Variants in ADGRV1 observed in about 807,000 individuals in gnomAD.
ADGRV1 encodes adhesion G protein-coupled receptor V1, also known as G-protein coupled receptor 98.
A neutral mutation model predicts 596.2 loss-of-function variants in ADGRV1; 359 were observed. That is an observed-to-expected ratio of 0.60 (90% CI 0.55 to 0.66). The LOEUF is 0.66. Among genes scored for constraint, ADGRV1 ranks in the 30% least tolerant of loss-of-function variants. ADGRV1 has a pLI of 0.00. For missense variants in ADGRV1, 7,274 were observed against 7,575.6 expected, an observed-to-expected ratio of 0.96 and a Z score of 1.48; for synonymous variants, 2,681 against 2,679.2, an observed-to-expected ratio of 1.00 and a Z score of -0.02.
chr5:90,714,915 C>T (rs1390550363), intron 42 of ADGRV1, among the ~76,000 whole-genome samples: 1 of 152,032 alleles, frequency 6.6e-6, no homozygotes, highest in Non-Finnish European at 1.5e-5. Flanking sequence ...TCTAAATTAT[C>T]TCACCTATTC....
chr5:90,884,607 T>A (rs1770106809), intron 83 of ADGRV1, among the ~76,000 whole-genome samples: 1 of 152,204 alleles, frequency 6.6e-6, no homozygotes, highest in Non-Finnish European at 1.5e-5. Context: ...CTAACTATTC[T>A]TTGGAGACTG....
rs1237938484 is a variant in ADGRV1 at position 90,644,695 on chromosome 5, C to A, written c.2735-11C>A. 6.3e-7 allele frequency: 1 copy of A among 1,595,844 alleles called. No homozygotes were observed. Among genetic ancestry groups the A allele is most frequent in the Non-Finnish European group, 8.5e-7 (1 of 1,173,482 alleles). Reference sequence around the variant, plus strand: ...GTCTTCATATGTATTATGTATGTTTCCATTTCACAGCTGTTTATGATGTAG... The same window carrying A: ...GTCTTCATATGTATTATGTATGTTTACATTTCACAGCTGTTTATGATGTAG... On this transcript the variant is annotated splice_polypyrimidine_tract_variant and intron_variant, in intron 14 of 89. Coordinates refer to ENST00000405460, the MANE Select transcript of ADGRV1 (RefSeq NM_032119.4).
intron 83 of ADGRV1, among the ~76,000 whole-genome samples, chr5:90,921,796 G>GTTTTTTTTTTTT (rs571601390): frequency 1.6e-5 from 2 of 124,410 alleles, no homozygotes. Context: ...GTTGTGTCTT[G>GTTTTTTTTTTTT]TTTTTTTTTT....
chr5:90,987,046 A>G (rs550212156), intron 85 of ADGRV1, among the ~76,000 whole-genome samples: 5 of 152,346 alleles, frequency 3.3e-5, no homozygotes, highest in Admixed American at 1.3e-4. Flanking sequence ...GAAATAAACT[A>G]TGATCAAAGA....
chr5:90,979,029 T>G (rs1290310726), intron 84 of ADGRV1, among the ~76,000 whole-genome samples: 1 of 152,030 alleles, frequency 6.6e-6, no homozygotes, highest in African/African-American at 2.4e-5. Flanking sequence ...AGGAAAAAAA[T>G]GAAGATACAG....
chr5:90,619,056 C>A (rs1395012643), intron 3 of ADGRV1, 30 bp from the exon 4 acceptor site: 1 of 1,008,358 alleles, frequency 9.9e-7, no homozygotes, highest in Non-Finnish European at 1.4e-6. Flanking sequence ...ATTTTTAATT[C>A]ATTATTTTAT....
intron 1 of ADGRV1, among the ~76,000 whole-genome samples, chr5:90,587,198 C>T (rs1017319494): frequency 4.6e-5 from 7 of 152,078 alleles, no homozygotes; most frequent in Admixed American, 1.3e-4. Flanking sequence ...CCAATGGGAA[C>T]GCTTTCATGT....
chr5:90,671,122 T>C (rs1471660937), intron 21 of ADGRV1, among the ~76,000 whole-genome samples: 1 of 152,108 alleles, frequency 6.6e-6, no homozygotes, highest in Non-Finnish European at 1.5e-5. Flanking sequence ...TCTTGGAAGG[T>C]TGAAGTATTG....
intron 9 of ADGRV1, among the ~76,000 whole-genome samples, chr5:90,633,761 A>G (rs996079813): frequency 6.6e-6 from 1 of 152,122 alleles, no homozygotes; most frequent in Non-Finnish European, 1.5e-5. Context: ...GGCTTCATCT[A>G]TATGCCAATA....
Position 90,753,797 on chromosome 5 carries a change from C to T in ADGRV1, c.11345C>T (p.Ala3782Val), listed in dbSNP as rs771734710. The T allele has an allele frequency of 6.8e-6, 11 of 1,610,666 alleles. No homozygotes were observed. Among genetic ancestry groups the T allele is most frequent in the East Asian group, 2.2e-5 (1 of 44,788 alleles). The change falls in exon 54 of 90, where the codon GCG becomes GTG. Residue 3782 changes from alanine to valine, a missense_variant. This residue lies in a region of ADGRV1 where 3,643 missense variants were observed against 3,809.2 expected (regional missense o/e 0.96). Coordinates refer to ENST00000405460, the MANE Select transcript of ADGRV1 (RefSeq NM_032119.4). ...SPFGLVGWRA[A>V]SVFIRVAEPK... is the part of the protein sequence containing the mutation. ...TTTGGCTTGGTGGGCTGGCGTGCTG[C>T]GTCTGTCTTCATTAGAGTAGCAGAG...
chr5:91,053,707 G>C (rs1786555716), intron 85 of ADGRV1, among the ~76,000 whole-genome samples: 1 of 152,066 alleles, frequency 6.6e-6, no homozygotes, highest in South Asian at 2.1e-4. Context: ...TAACTTCCCT[G>C]CACATAATAA....
intron 34 of ADGRV1, among the ~76,000 whole-genome samples, chr5:90,701,572 C>T (rs941091404): frequency 6.6e-6 from 1 of 151,664 alleles, no homozygotes; most frequent in African/African-American, 2.4e-5. Flanking sequence ...ATGTGCTTCT[C>T]TATGTGCGTG....
At chr5:90,927,379 C>A (rs1228519812) in intron 83 of ADGRV1, among the ~76,000 whole-genome samples, 1 of 152,088 alleles carries the variant, frequency 6.6e-6, no homozygotes, top group African/African-American at 2.4e-5. Context: ...ATCCCTTTAC[C>A]ATTATGTAAT....
chr5:90,703,335 C>T (rs1748153922), intron 34 of ADGRV1, among the ~76,000 whole-genome samples: 1 of 152,002 alleles, frequency 6.6e-6, no homozygotes, highest in African/African-American at 2.4e-5. Context: ...ATCATGAGGA[C>T]TTTATTATTT....
chr5:90,611,646 G>A (rs1762741428), intron 1 of ADGRV1, among the ~76,000 whole-genome samples: 1 of 151,874 alleles, frequency 6.6e-6, no homozygotes, highest in Non-Finnish European at 1.5e-5. Flanking sequence ...TAAAACATAT[G>A]TTTGAAATTC....
intron 83 of ADGRV1, among the ~76,000 whole-genome samples, chr5:90,880,265 C>A (rs1001661521): frequency 6.6e-6 from 1 of 152,124 alleles, no homozygotes; most frequent in Non-Finnish European, 1.5e-5. Flanking sequence ...AAATTACAAA[C>A]ACAGGTGTAT....
In ADGRV1 at chr5:90,804,103, TAAGCAG is replaced by T. The variant is rs544425689; in HGVS notation, c.14662-1176_14662-1171del. On this transcript the variant is annotated intron_variant, in intron 71 of 89. Transcript: ENST00000405460. ...CTCACTCAAAGCTTTTGGCAGTTGC[TAAGCAG>T]AAGCCTCACTGGGCTGGGCATGGTG... 1.6e-4 allele frequency among the ~76,000 whole-genome samples: 24 copies of T among 152,324 alleles called. No homozygotes were observed. The South Asian group carries it at 4.3e-3, about 28-fold the overall frequency.
rs775291404 is a variant in ADGRV1, at chr5:90,776,569, A to G, written c.12520A>G (p.Ile4174Val). Residue 4174 changes from isoleucine (I) to valine (V), a missense_variant, in exon 61 of 90, where the codon ATT becomes GTT. Transcript: ENST00000405460. ...EPSAKYNGTA[I>V]ISLVRGPGIL... is the part of the protein sequence containing the mutation. ...CTCAGCAAAATATAATGGTACCGCT[A>G]TTATCAGGTAAGGACTTCATGATTT... is the stretch of plus-strand genomic sequence containing the variant. The G allele has an allele frequency of 1.2e-6, 2 of 1,613,320 alleles. No individual in the cohort carries two copies. The highest frequency in any genetic ancestry group is 2.2e-5 in the East Asian group (1 of 44,862).
intron 1 of ADGRV1, among the ~76,000 whole-genome samples, chr5:90,588,811 G>A (rs1165115110): frequency 2.0e-5 from 3 of 152,186 alleles, no homozygotes; most frequent in African/African-American, 7.2e-5. Flanking sequence ...GGGATATTTA[G>A]AGTGGGAGGG....
Sources: allele counts gnomAD v4.1 joint callset (sites outside exome capture counted in the v4.1 genomes callset), GRCh38; gene constraint gnomAD v4.1.1; regional missense constraint gnomAD v4.1.1; transcripts MANE v1.5; gene names NCBI Gene and HGNC (gene_info 2026-07-23, HGNC 2026-07-21).